Variants in ABI1 observed in about 807,000 individuals in gnomAD.
ABI1 encodes the protein abl interactor 1, also known as Abelson interactor 1.
In ABI1, 14 loss-of-function variants were observed where a neutral mutation model predicts 54.6. That is an observed-to-expected ratio of 0.26 (90% CI 0.17 to 0.40). ABI1 has a LOEUF of 0.40. Ranked by LOEUF, ABI1 falls within the 10% of genes least tolerant of loss-of-function variation. The pLI, the probability that ABI1 is intolerant of heterozygous loss-of-function variation, is 1.00. For synonymous variants in ABI1, 194 were observed against 209.3 expected (o/e 0.93, Z 0.63); for missense variants, 443 against 598.3 (o/e 0.74, Z 2.71).
chr10:26,825,307 C>T (rs919181822), intron 1 of ABI1, among the ~76,000 whole-genome samples: 6 of 152,152 alleles, frequency 3.9e-5, no homozygotes, highest in Admixed American at 2.0e-4. Context: ...AGGAGAATTG[C>T]TTAAGCCCAA....
chr10:26,780,473 A>G (rs1022802372), intron 2 of ABI1, among the ~76,000 whole-genome samples: 43 of 152,324 alleles, frequency 2.8e-4, no homozygotes, highest in South Asian at 4.1e-4. Context: ...GGCTCAAGCA[A>G]TAACGATCTT....
At chr10:26,851,348 A>ATTTTTTTTTTTTT (rs397724445) in intron 1 of ABI1, among the ~76,000 whole-genome samples, 2 of 67,814 alleles carry the variant, frequency 2.9e-5, no homozygotes, top group African/African-American at 1.3e-4. Flanking sequence ...GACTAAGCTA[A>ATTTTTTTTTTTTT]TTTTTTTTTT....
At chr10:26,819,551 A>T (rs2047827976) in intron 2 of ABI1, among the ~76,000 whole-genome samples, 1 of 152,246 alleles carries the variant, frequency 6.6e-6, no homozygotes, top group African/African-American at 2.4e-5. Context: ...GATACAGAAG[A>T]ATTGAATATT....
chr10:26,846,416 C>T (rs1341609385), intron 1 of ABI1, among the ~76,000 whole-genome samples: 2 of 150,918 alleles, frequency 1.3e-5, no homozygotes, highest in Non-Finnish European at 2.9e-5. Context: ...GCTCTCAGCT[C>T]GCTGCAACCT....
intron 2 of ABI1, among the ~76,000 whole-genome samples, chr10:26,781,385 T>C (rs1008847611): frequency 3.3e-5 from 5 of 152,254 alleles, no homozygotes; most frequent in Non-Finnish European, 7.3e-5. Flanking sequence ...TTTGAGAAAG[T>C]CTGATCTTAC....
chr10:26,819,057 T>C (rs2047790153), intron 2 of ABI1, among the ~76,000 whole-genome samples: 2 of 152,204 alleles, frequency 1.3e-5, no homozygotes, highest in Admixed American at 6.5e-5. Context: ...TGGAATCAAC[T>C]ATTACAAAGT....
chr10:26,766,834 A>G lies in ABI1; in HGVS notation c.720-1516T>C, dbSNP rs536798602. On this transcript the variant is annotated intron_variant, in intron 6 of 10. Transcript: ENST00000376140. ...ATAGTTAAAAAAATCAAGAGGAATAATATTTTGTAACACATTAAAATTATA... is the reference window on the plus strand; with the variant it reads ...ATAGTTAAAAAAATCAAGAGGAATAGTATTTTGTAACACATTAAAATTATA... Among the ~76,000 whole-genome samples, 76 of 152,332 alleles carry G rather than the reference A, an allele frequency of 5.0e-4. 1 individual carries two copies. The Middle Eastern group carries it at 0.01, about 20-fold the overall frequency.
chr10:26,790,188 G>T (rs1006995576), intron 2 of ABI1, among the ~76,000 whole-genome samples: 8 of 152,146 alleles, frequency 5.3e-5, no homozygotes, highest in African/African-American at 1.9e-4. Context: ...TCTGTCTCTA[G>T]GTCTTTGAGG....
At position 26,828,038 on chromosome 10, in the gene ABI1, C is replaced by T. The variant is rs77074880; in HGVS notation, c.118-4733G>A. Among the ~76,000 whole-genome samples the T allele has an allele frequency of 6.0e-3, 907 of 152,338 alleles. 16 individuals carry two copies. The highest frequency in any genetic ancestry group is 0.031 in the East Asian group (160 of 5,182). On this transcript the variant is annotated intron_variant, in intron 1 of 10. Transcript: ENST00000376140. ...CCTATCTCAGCTTTTGACTTGCCTT[C>T]CTCGCTAAGCTCCCATTAGTAGTTT...
intron 10 of ABI1, among the ~76,000 whole-genome samples, chr10:26,749,417 TGA>T (rs1222394231): frequency 6.6e-6 from 1 of 152,226 alleles, no homozygotes; most frequent in Non-Finnish European, 1.5e-5. Flanking sequence ...ATATGCGTAA[TGA>T]GACATCTTGG....
intron 1 of ABI1, chr10:26,839,662 A>C (rs566272074): frequency 6.3e-6 from 4 of 631,848 alleles, no homozygotes; most frequent in East Asian, 2.8e-5. Context: ...AAAAAAAAAA[A>C]AAAACATGCC....
intron 2 of ABI1, among the ~76,000 whole-genome samples, chr10:26,807,480 C>T (rs1463219528): frequency 6.6e-6 from 1 of 151,492 alleles, no homozygotes; most frequent in Non-Finnish European, 1.5e-5. Context: ...GAGACCCGGC[C>T]TCAAAAAAAA....
intron 2 of ABI1, among the ~76,000 whole-genome samples, chr10:26,819,867 TGCAACATGAC>T (rs2047852074): frequency 6.6e-6 from 1 of 152,220 alleles, no homozygotes; most frequent in African/African-American, 2.4e-5. Context: ...TTCTGTTATT[TGCAACATGAC>T]ACAACAGATG....
At chr10:26,804,914 G>A (rs927783779) in intron 2 of ABI1, among the ~76,000 whole-genome samples, 7 of 152,150 alleles carry the variant, frequency 4.6e-5, no homozygotes, top group African/African-American at 1.7e-4. Context: ...AAAGAGTAAG[G>A]TAAGGAACAC....
chr10:26,827,974 A>T (rs75955431), intron 1 of ABI1, among the ~76,000 whole-genome samples: 2,276 of 152,304 alleles, frequency 0.015, 44 homozygotes, highest in African/African-American at 0.046. Context: ...TTGCATTCAC[A>T]ACTTAGCTAA....
At chr10:26,750,878 T>A (rs1375228951) in intron 10 of ABI1, among the ~76,000 whole-genome samples, 1 of 152,138 alleles carries the variant, frequency 6.6e-6, no homozygotes, top group Non-Finnish European at 1.5e-5. Context: ...GACTTTAGAG[T>A]AGTTCATAAT....
chr10:26,840,591 G>A (rs773514359), intron 1 of ABI1, among the ~76,000 whole-genome samples: 2 of 152,008 alleles, frequency 1.3e-5, no homozygotes, highest in African/African-American at 2.4e-5. Context: ...GACAAATTAC[G>A]TGTATCCTAA....
At chr10:26,822,608 A>C (rs987646953) in intron 2 of ABI1, among the ~76,000 whole-genome samples, 5 of 152,118 alleles carry the variant, frequency 3.3e-5, no homozygotes, top group Non-Finnish European at 1.5e-5. Context: ...CCAAAAAAAA[A>C]ATTAGTAAAT....
chr10:26,848,220 A>AAAAAG (rs2050133257), intron 1 of ABI1, among the ~76,000 whole-genome samples: 1 of 139,462 alleles, frequency 7.2e-6, no homozygotes, highest in South Asian at 2.4e-4. Flanking sequence ...AAAAAAAAAA[A>AAAAAG]AAGAAGAAGA....
Sources: allele counts gnomAD v4.1 joint callset (sites outside exome capture counted in the v4.1 genomes callset), GRCh38; gene constraint gnomAD v4.1.1; transcripts MANE v1.5; gene names NCBI Gene and HGNC (gene_info 2026-07-23, HGNC 2026-07-21).